Variants in RAD51B observed in about 807,000 individuals in gnomAD.
The protein encoded by RAD51B is RAD51 paralog B, also known as DNA repair protein RAD51 homolog 2.
In RAD51B, 38 loss-of-function variants were observed where a neutral mutation model predicts 42.2. The observed-to-expected ratio is 0.90, with a 90% CI of 0.70 to 1.18. The LOEUF (loss-of-function observed/expected upper bound fraction) is 1.18, where lower values mean the gene tolerates loss of function less well. Among genes scored for constraint, RAD51B ranks in the 50% most tolerant of loss-of-function variants. The pLI, the probability that RAD51B is intolerant of heterozygous loss-of-function variation, is 0.00. For synonymous variants in RAD51B, 154 were observed against 145.2 expected (o/e 1.06, Z -0.43); for missense variants, 373 against 400.7 (o/e 0.93, Z 0.59).
chr14:68,265,247 T>C (rs1232930134), intron 7 of RAD51B, among the ~76,000 whole-genome samples: 1 of 152,184 alleles, frequency 6.6e-6, no homozygotes, highest in Non-Finnish European at 1.5e-5. Context: ...TTTCAAACAG[T>C]GATTTGGCCT....
chr14:68,037,038 C>T lies in RAD51B; in HGVS notation c.756+149834C>T, dbSNP rs552202372. Among the ~76,000 whole-genome samples, 5 of 105,550 alleles carry T rather than the reference C, an allele frequency of 4.7e-5. No homozygotes were observed. The South Asian group carries it at 1.2e-3, about 26-fold the overall frequency. 69.2% of individuals were successfully genotyped at this position (105,550 alleles called of 152,430 possible). A position where few individuals can be genotyped will look rare whatever the true frequency, so the allele number is the denominator to read the frequency against. On this transcript the variant is annotated intron_variant, in intron 7 of 10. Coordinates refer to ENST00000471583, the MANE Select transcript of RAD51B (RefSeq NM_133510.4). Reference sequence around the variant, plus strand: ...ACAGGAATTGTTACCCTCCCTCCCCCCCTCCCTTCCTTCCTTCCTTCCTCC... The same window carrying T: ...ACAGGAATTGTTACCCTCCCTCCCCTCCTCCCTTCCTTCCTTCCTTCCTCC...
At chr14:68,289,449 T>C (rs2081475410) in intron 7 of RAD51B, among the ~76,000 whole-genome samples, 1 of 151,544 alleles carries the variant, frequency 6.6e-6, no homozygotes. Flanking sequence ...GCATGGTGGC[T>C]CATGCCTGTA....
intron 7 of RAD51B, among the ~76,000 whole-genome samples, chr14:68,185,639 A>AAAATT (rs2079142812): frequency 6.7e-6 from 1 of 149,758 alleles, no homozygotes; most frequent in African/African-American, 2.4e-5. Context: ...ACCAGGGACC[A>AAAATT]GTTTTGTGGA....
chr14:68,138,723 A>C (rs977850366), intron 7 of RAD51B, among the ~76,000 whole-genome samples: 1 of 152,196 alleles, frequency 6.6e-6, no homozygotes, highest in Admixed American at 6.5e-5. Flanking sequence ...GTATAATTGT[A>C]AAATTATCTT....
chr14:68,590,513 T>A (rs1488142725), intron 10 of RAD51B, among the ~76,000 whole-genome samples: 1 of 152,242 alleles, frequency 6.6e-6, no homozygotes, highest in Non-Finnish European at 1.5e-5. Context: ...AACCTGGCGA[T>A]GTCAGGTCTT....
At chr14:67,828,830 T>A (rs767444776) in intron 3 of RAD51B, among the ~76,000 whole-genome samples, 35 of 152,158 alleles carry the variant, frequency 2.3e-4, no homozygotes, top group Non-Finnish European at 4.6e-4. Flanking sequence ...GTTCTTCTGT[T>A]CCATTGGTCT....
intron 7 of RAD51B, among the ~76,000 whole-genome samples, chr14:67,928,077 T>C (rs1042559061): frequency 4.6e-5 from 7 of 152,158 alleles, no homozygotes; most frequent in Non-Finnish European, 1.0e-4. Flanking sequence ...AGGACTGATA[T>C]GAGTTTTTCT....
Position 68,112,599 on chromosome 14 carries a change from A to T in RAD51B, c.757-179285A>T, listed in dbSNP as rs536137175. 4.2e-4 allele frequency among the ~76,000 whole-genome samples: 64 copies of T among 152,234 alleles called. 1 individual carries two copies. The South Asian group carries it at 0.013, about 30-fold the overall frequency. ...GTAATTCAGATTTAATTATCATGTGATCATGCTGGGGTGATTGTTTTTAGT... is the reference window on the plus strand; with the variant it reads ...GTAATTCAGATTTAATTATCATGTGTTCATGCTGGGGTGATTGTTTTTAGT... On this transcript the variant is annotated intron_variant, in intron 7 of 10. Coordinates refer to ENST00000471583, the MANE Select transcript of RAD51B (RefSeq NM_133510.4).
At position 68,122,958 on chromosome 14, in the gene RAD51B, C is replaced by CT. The variant is rs1419669676; in HGVS notation, c.757-168926_757-168925insT. Reference sequence around the variant, plus strand: ...CTAACATGCTCTCCTTTGTATAAAACAAACACACACACACACACACACAGA... The same window carrying CT: ...CTAACATGCTCTCCTTTGTATAAAACTAAACACACACACACACACACACAGA... On this transcript the variant is annotated intron_variant, in intron 7 of 10. Coordinates refer to ENST00000471583, the MANE Select transcript of RAD51B (RefSeq NM_133510.4). Among the ~76,000 whole-genome samples, 16 of 148,124 alleles carry CT rather than the reference C, an allele frequency of 1.1e-4. No individual in the cohort carries two copies. In the East Asian group the frequency reaches 2.7e-3, roughly 25 times the overall value.
intron 10 of RAD51B, among the ~76,000 whole-genome samples, chr14:68,471,572 G>A (rs1037962367): frequency 9.2e-5 from 14 of 151,958 alleles, no homozygotes; most frequent in Admixed American, 6.6e-4. Flanking sequence ...ACAATAAAGC[G>A]GCAGGCTGGA....
At chr14:68,413,853 G>T (rs1027087716) in intron 9 of RAD51B, among the ~76,000 whole-genome samples, 6 of 152,296 alleles carry the variant, frequency 3.9e-5, no homozygotes, top group African/African-American at 1.4e-4. Flanking sequence ...AGCAGAACGT[G>T]CCTAGATAAT....
At chr14:68,287,599 G>A (rs2081437298) in intron 7 of RAD51B, among the ~76,000 whole-genome samples, 1 of 152,146 alleles carries the variant, frequency 6.6e-6, no homozygotes, top group South Asian at 2.1e-4. Flanking sequence ...TTGGGGGTGT[G>A]TTGCGTGTTT....
intron 4 of RAD51B, among the ~76,000 whole-genome samples, chr14:67,856,527 G>C (rs1333261432): frequency 6.6e-6 from 1 of 152,098 alleles, no homozygotes; most frequent in Admixed American, 6.5e-5. Flanking sequence ...TTTTAATGAA[G>C]CTTTTTTAAA....
intron 10 of RAD51B, chr14:68,468,731 T>G: frequency 3.3e-6 from 1 of 301,486 alleles, no homozygotes; most frequent in Non-Finnish European, 6.5e-6. Flanking sequence ...TTATCTTGTT[T>G]CCTTTTCCTG....
At chr14:68,223,234 T>G (rs898776428) in intron 7 of RAD51B, among the ~76,000 whole-genome samples, 5 of 152,240 alleles carry the variant, frequency 3.3e-5, no homozygotes, top group Admixed American at 2.0e-4. Flanking sequence ...TCTTTTTCCT[T>G]CTGGTTTAGG....
At chr14:68,425,697 G>A (rs2084814529) in intron 9 of RAD51B, among the ~76,000 whole-genome samples, 1 of 152,214 alleles carries the variant, frequency 6.6e-6, no homozygotes, top group Non-Finnish European at 1.5e-5. Context: ...ATTGGTACTA[G>A]GAGTGTGGTG....
chr14:68,155,086 G>A (rs951659767), intron 7 of RAD51B, among the ~76,000 whole-genome samples: 3 of 152,076 alleles, frequency 2.0e-5, no homozygotes, highest in African/African-American at 7.2e-5. Flanking sequence ...GAATTTTGGG[G>A]GGAAAGACAT....
chr14:68,021,142 A>G (rs2075857467), intron 7 of RAD51B, among the ~76,000 whole-genome samples: 1 of 152,196 alleles, frequency 6.6e-6, no homozygotes, highest in Admixed American at 6.5e-5. Flanking sequence ...TCTGAGGACA[A>G]TATAGTACCC....
rs59465805 is a variant in RAD51B, at chr14:67,948,931, C to CAAAAA, written c.756+61750_756+61754dup. Among the ~76,000 whole-genome samples, 12 of 17,058 alleles carry CAAAAA rather than the reference C, an allele frequency of 7.0e-4. 1 individual carries two copies. Among genetic ancestry groups the CAAAAA allele is most frequent in the African/African-American group, 1.2e-3 (6 of 5,212 alleles). The allele number at this position is 17,058 out of a possible 152,430, so 11.2% of individuals were successfully genotyped here. Reference sequence around the variant, plus strand: ...TGGGTGACAGAGTGAGACTCTGTCTCAAAAAAAAAAAAAAAAAAAAAAAAA... The same window carrying CAAAAA: ...TGGGTGACAGAGTGAGACTCTGTCTCAAAAAAAAAAAAAAAAAAAAAAAAAAAAAA... On this transcript the variant is annotated intron_variant, in intron 7 of 10. Transcript: ENST00000471583.
Sources: gnomAD v4.1 joint callset for allele counts (sites outside exome capture counted in the v4.1 genomes callset) on GRCh38, gnomAD v4.1.1 for gene constraint, MANE v1.5 for transcripts, NCBI Gene and HGNC (gene_info 2026-07-23, HGNC 2026-07-21) for gene names.